Variants in PAPSS2 observed in about 807,000 individuals in gnomAD.
The protein encoded by PAPSS2 is bifunctional 3'-phosphoadenosine 5'-phosphosulfate synthase 2.
In PAPSS2, 61 loss-of-function variants were observed where a neutral mutation model predicts 66.5. The observed-to-expected ratio is 0.92, with a 90% CI of 0.75 to 1.14. PAPSS2 has a LOEUF of 1.14. PAPSS2 is among the 50% of genes most tolerant of loss of function. The probability of loss-of-function intolerance (pLI) is 0.00; values close to 1 mark genes in which losing one functional copy is unlikely to be tolerated. For missense variants in PAPSS2, 708 were observed against 789.6 expected (o/e 0.90, Z 1.24); for synonymous variants, 289 against 287.5 (o/e 1.01, Z -0.05).
intron 2 of PAPSS2, among the ~76,000 whole-genome samples, chr10:87,710,918 A>G (rs963568865): frequency 3.3e-5 from 5 of 152,076 alleles, no homozygotes; most frequent in African/African-American, 1.2e-4. Flanking sequence ...CAGGAGAATC[A>G]CTTGAACATA....
chr10:87,712,927 A>G, intron 2 of PAPSS2, 148 bp from the exon 3 acceptor site: 1 of 630,114 alleles, frequency 1.6e-6, no homozygotes, highest in Non-Finnish European at 2.8e-6. Flanking sequence ...AAATGTAAGT[A>G]CTTGCCTTGT....
At chr10:87,718,750 G>C (rs1457794045) in intron 7 of PAPSS2, among the ~76,000 whole-genome samples, 1 of 152,200 alleles carries the variant, frequency 6.6e-6, no homozygotes, top group African/African-American at 2.4e-5. Flanking sequence ...GGGAAAAATT[G>C]TTTCCTTCCT....
intron 1 of PAPSS2, among the ~76,000 whole-genome samples, chr10:87,691,682 T>C (rs1666210670): frequency 6.6e-6 from 1 of 152,160 alleles, no homozygotes; most frequent in South Asian, 2.1e-4. Flanking sequence ...GAGGAGGAAG[T>C]TGCTCAGTCT....
intron 10 of PAPSS2, among the ~76,000 whole-genome samples, chr10:87,742,335 G>A (rs939037301): frequency 1.3e-5 from 2 of 152,114 alleles, no homozygotes; most frequent in Non-Finnish European, 2.9e-5. Context: ...GTGCATAGTG[G>A]CAGAAAAGTC....
At chr10:87,703,676 A>C (rs1196223387) in intron 1 of PAPSS2, 4 of 512,796 alleles carry the variant, frequency 7.8e-6, no homozygotes, top group African/African-American at 7.7e-5. Context: ...GCAGGTTTCA[A>C]ATCCAGGTCT....
At chr10:87,729,955 C>CA (rs775036977) in intron 9 of PAPSS2, among the ~76,000 whole-genome samples, 98 of 152,004 alleles carry the variant, frequency 6.4e-4, no homozygotes, top group Admixed American at 1.8e-3. Context: ...GAGGTAGCGC[C>CA]ATTGCACTCC....
intron 3 of PAPSS2, among the ~76,000 whole-genome samples, 173 bp downstream of exon 3, chr10:87,713,483 A>G (rs1226010007): frequency 6.6e-6 from 1 of 152,022 alleles, no homozygotes; most frequent in African/African-American, 2.4e-5. Flanking sequence ...TCTATTTAAT[A>G]TTGGTTATAT....
chr10:87,702,424 A>G (rs1018986415), intron 1 of PAPSS2, among the ~76,000 whole-genome samples: 1 of 152,192 alleles, frequency 6.6e-6, no homozygotes, highest in Admixed American at 6.5e-5. Context: ...AATAAATGAG[A>G]TAATGCACGT....
intron 1 of PAPSS2, among the ~76,000 whole-genome samples, chr10:87,669,867 T>C (rs7084756): frequency 0.018 from 2,704 of 152,350 alleles, 87 homozygotes; most frequent in African/African-American, 0.062. Flanking sequence ...GTTTATTTCA[T>C]AGAGGCAATG....
intron 1 of PAPSS2, among the ~76,000 whole-genome samples, chr10:87,664,777 A>C (rs1325352645): frequency 6.6e-6 from 1 of 152,148 alleles, no homozygotes; most frequent in African/African-American, 2.4e-5. Context: ...TTGTGTTTGG[A>C]AGTCTTAGGA....
At chr10:87,714,307 CT>C in intron 4 of PAPSS2, 125 bp downstream of exon 4, 1 of 964,142 alleles carries the variant, frequency 1.0e-6, no homozygotes, top group South Asian at 1.3e-5. Flanking sequence ...ACATGCACAA[CT>C]TTTTATCAGA....
chr10:87,693,416 T>C (rs1190310079), intron 1 of PAPSS2, among the ~76,000 whole-genome samples: 1 of 152,228 alleles, frequency 6.6e-6, no homozygotes, highest in East Asian at 1.9e-4. Context: ...CCTTTGCATA[T>C]GCCAGCTTTT....
At chr10:87,713,449 C>G (rs1853492105) in intron 3 of PAPSS2, 139 bp downstream of exon 3, 1 of 652,944 alleles carries the variant, frequency 1.5e-6, no homozygotes, top group South Asian at 1.8e-5. Context: ...ATTTCTTCCC[C>G]CAATAACAGG....
intron 1 of PAPSS2, among the ~76,000 whole-genome samples, chr10:87,708,855 A>T (rs1270375686): frequency 6.6e-6 from 1 of 152,238 alleles, no homozygotes; most frequent in East Asian, 1.9e-4. Context: ...GTGTTGCATG[A>T]ATCAATGAGA....
At chr10:87,722,880 T>C (rs1231839650) in intron 8 of PAPSS2, among the ~76,000 whole-genome samples, 1 of 152,244 alleles carries the variant, frequency 6.6e-6, no homozygotes, top group Non-Finnish European at 1.5e-5. Flanking sequence ...AACTCCTTTC[T>C]ATAACATCCC....
intron 1 of PAPSS2, among the ~76,000 whole-genome samples, chr10:87,699,830 A>C (rs957133924): frequency 4.0e-5 from 6 of 148,628 alleles, no homozygotes; most frequent in African/African-American, 1.5e-4. Flanking sequence ...AAAAAAAAAG[A>C]ATCAAACTAT....
intron 1 of PAPSS2, 99 bp downstream of exon 1, chr10:87,660,107 A>C: frequency 2.4e-6 from 3 of 1,259,608 alleles, no homozygotes; most frequent in Non-Finnish European, 3.4e-6. Context: ...CCTCCCCGGG[A>C]GGGGGCGTCG....
chr10:87,700,743 T>A (rs1853293405), intron 1 of PAPSS2, among the ~76,000 whole-genome samples: 1 of 151,824 alleles, frequency 6.6e-6, no homozygotes, highest in Non-Finnish European at 1.5e-5. Flanking sequence ...GAACCATAGA[T>A]GTCTACACTA....
intron 10 of PAPSS2, among the ~76,000 whole-genome samples, chr10:87,742,077 T>G (rs1467239227): frequency 1.3e-5 from 2 of 152,130 alleles, no homozygotes; most frequent in Non-Finnish European, 2.9e-5. Context: ...TTTTTATAGT[T>G]AAAAATAACC....
Sources: gnomAD v4.1 joint callset for allele counts (sites outside exome capture counted in the v4.1 genomes callset) on GRCh38, gnomAD v4.1.1 for gene constraint, MANE v1.5 for transcripts, NCBI Gene and HGNC (gene_info 2026-07-23, HGNC 2026-07-21) for gene names.